HIPK2: variants seen among roughly 807,000 people sequenced by gnomAD.
The protein encoded by HIPK2 is homeodomain-interacting protein kinase 2.
In HIPK2, 27 loss-of-function variants were observed where a neutral mutation model predicts 113.7. The observed-to-expected ratio is 0.24, with a 90% CI of 0.17 to 0.33. The LOEUF (loss-of-function observed/expected upper bound fraction) is 0.33, where lower values mean the gene tolerates loss of function less well. HIPK2 is among the 10% of genes least tolerant of loss of function. The pLI is 1.00. For missense variants in HIPK2, 1,257 were observed against 1,588.0 expected, an observed-to-expected ratio of 0.79 and a Z score of 3.54; for synonymous variants, 631 against 642.2, an observed-to-expected ratio of 0.98 and a Z score of 0.26.
chr7:139,621,219 A>C (rs149081884), intron 6 of HIPK2, among the ~76,000 whole-genome samples: 126 of 152,344 alleles, frequency 8.3e-4, no homozygotes, highest in South Asian at 6.0e-3. Flanking sequence ...CAACATCCAT[A>C]AGACGGAGAC....
chr7:139,624,338 C>G lies in HIPK2; in HGVS notation c.1619+2263G>C, dbSNP rs189711257. On this transcript the variant is annotated intron_variant, in intron 6 of 14. Coordinates refer to ENST00000406875, the MANE Select transcript of HIPK2 (RefSeq NM_022740.5). ...GCAACCGGCCATGACTTCGTTTCCT[C>G]TCCCCTTCGTTCACTGAGGCCTTTG... is the stretch of plus-strand genomic sequence containing the variant. Among the ~76,000 whole-genome samples, 124 of 152,188 alleles carry G rather than the reference C, an allele frequency of 8.1e-4. No homozygotes were observed. The South Asian group carries it at 0.01, about 12-fold the overall frequency.
At chr7:139,621,945 T>A (rs1323388921) in intron 6 of HIPK2, among the ~76,000 whole-genome samples, 118 of 137,014 alleles carry the variant, frequency 8.6e-4, no homozygotes, top group African/African-American at 2.9e-3. Context: ...AAAAAAAAAA[T>A]TAAAAGAAAA....
intron 10 of HIPK2, among the ~76,000 whole-genome samples, chr7:139,603,751 T>C (rs1392559032): frequency 6.6e-6 from 1 of 152,200 alleles, no homozygotes; most frequent in Non-Finnish European, 1.5e-5. Flanking sequence ...TTTCTGAACG[T>C]AGAATTTAAT....
intron 1 of HIPK2, among the ~76,000 whole-genome samples, chr7:139,745,063 A>T (rs971441164): frequency 6.6e-6 from 1 of 152,222 alleles, no homozygotes; most frequent in African/African-American, 2.4e-5. Context: ...TACAGAAGAC[A>T]AGCTGGCGTA....
chr7:139,680,901 G>A (rs1255082894), intron 2 of HIPK2, among the ~76,000 whole-genome samples: 1 of 152,238 alleles, frequency 6.6e-6, no homozygotes, highest in Non-Finnish European at 1.5e-5. Context: ...GGCCCAGTGA[G>A]GCAGCCACAG....
At chr7:139,744,680 G>T (rs1211631621) in intron 1 of HIPK2, among the ~76,000 whole-genome samples, 1 of 152,186 alleles carries the variant, frequency 6.6e-6, no homozygotes, top group Non-Finnish European at 1.5e-5. Flanking sequence ...TTTTACAGAT[G>T]AGGAAACTTG....
chr7:139,653,108 C>T (rs1177896965), intron 2 of HIPK2, among the ~76,000 whole-genome samples: 2 of 146,578 alleles, frequency 1.4e-5, no homozygotes, highest in African/African-American at 5.1e-5. Flanking sequence ...CACTGCTACT[C>T]CAGCCTGGGT....
In HIPK2 at chr7:139,605,235, GGTGTGT is replaced by G. The variant is rs34675356; in HGVS notation, c.2113-1018_2113-1013del. 3.8e-3 allele frequency among the ~76,000 whole-genome samples: 564 copies of G among 147,658 alleles called. 4 individuals carry two copies. Among genetic ancestry groups the G allele is most frequent in the African/African-American group, 0.013 (535 of 40,276 alleles). On this transcript the variant is annotated intron_variant, in intron 9 of 14. Transcript: ENST00000406875. ...GTGATTCTTCCTTGATAGATTCACTGGTGTGTGTGTGTGTGTGTGTGTGTGTGTATG... is the reference window on the plus strand; with the variant it reads ...GTGATTCTTCCTTGATAGATTCACTGGTGTGTGTGTGTGTGTGTGTGTATG...
At chr7:139,609,046 C>T (rs150626273) in intron 9 of HIPK2, among the ~76,000 whole-genome samples, 2 of 152,194 alleles carry the variant, frequency 1.3e-5, no homozygotes, top group African/African-American at 2.4e-5. Flanking sequence ...ATTTCTCTAA[C>T]CCTGCTAGTC....
At chr7:139,603,740 T>C (rs1318731976) in intron 10 of HIPK2, among the ~76,000 whole-genome samples, 1 of 152,180 alleles carries the variant, frequency 6.6e-6, no homozygotes, top group Non-Finnish European at 1.5e-5. Context: ...CAGACCTTTG[T>C]TTTCTGAACG....
At chr7:139,705,428 G>GT (rs1270899494) in intron 2 of HIPK2, among the ~76,000 whole-genome samples, 1 of 151,908 alleles carries the variant, frequency 6.6e-6, no homozygotes, top group Admixed American at 6.6e-5. Flanking sequence ...CCAGGCTGGA[G>GT]TGCAGTGGCG....
chr7:139,615,679 C>G (rs1800014350), intron 7 of HIPK2, among the ~76,000 whole-genome samples: 1 of 152,140 alleles, frequency 6.6e-6, no homozygotes. Flanking sequence ...GAAGAAACCA[C>G]GAAGATATCT....
At chr7:139,643,391 C>T (rs1224957166) in intron 2 of HIPK2, among the ~76,000 whole-genome samples, 4 of 151,766 alleles carry the variant, frequency 2.6e-5, no homozygotes, top group Non-Finnish European at 5.9e-5. Flanking sequence ...TACACACACA[C>T]ACACACACAC....
At chr7:139,741,236 G>A (rs1264044607) in intron 1 of HIPK2, among the ~76,000 whole-genome samples, 1 of 152,186 alleles carries the variant, frequency 6.6e-6, no homozygotes, top group East Asian at 1.9e-4. Flanking sequence ...AAGAGCAGAA[G>A]TCCTGGAATG....
chr7:139,777,630 CG>C lies in HIPK2; in HGVS notation c.-8del. ...CTTCGTACACGGGGGCCATCGGGGCCGGGGTGTCCGCGGTTCATGGCAACGG... is the reference window on the plus strand; with the variant it reads ...CTTCGTACACGGGGGCCATCGGGGCCGGGTGTCCGCGGTTCATGGCAACGG... On this transcript the variant is annotated 5_prime_UTR_variant, in exon 1 of 15. Transcript: ENST00000406875. 1.9e-6 allele frequency: 2 copies of C among 1,073,420 alleles called. No homozygotes were observed. The allele number at this position is 1,073,420 out of a possible 1,614,324, so 66.5% of individuals were successfully genotyped here.
intron 2 of HIPK2, among the ~76,000 whole-genome samples, chr7:139,654,544 C>A (rs1236135403): frequency 2.0e-5 from 3 of 152,118 alleles, no homozygotes; most frequent in Non-Finnish European, 4.4e-5. Context: ...CCCCAAAAAA[C>A]CCCAAAGCAA....
intron 10 of HIPK2, among the ~76,000 whole-genome samples, chr7:139,602,744 G>C (rs1367995234): frequency 6.6e-6 from 1 of 152,098 alleles, no homozygotes; most frequent in African/African-American, 2.4e-5. Flanking sequence ...GAAGATGACA[G>C]GTTTATTTAA....
At chr7:139,708,382 T>G (rs1325257268) in intron 2 of HIPK2, among the ~76,000 whole-genome samples, 1 of 151,950 alleles carries the variant, frequency 6.6e-6, no homozygotes, top group Admixed American at 6.5e-5. Context: ...GTGTGTGTGT[T>G]TTTAAGAATT....
At position 139,700,227 on chromosome 7, in the gene HIPK2, C is replaced by T. The variant is rs1794669724; in HGVS notation, c.1103+15705G>A. ...GAGGAGCTGGGGGTTTCCTGCTGTG[C>T]ACACCACAGCCTGGGGACCCTCAAC... On this transcript the variant is annotated intron_variant, in intron 2 of 14. Coordinates refer to ENST00000406875, the MANE Select transcript of HIPK2 (RefSeq NM_022740.5). 2.0e-5 allele frequency among the ~76,000 whole-genome samples: 3 copies of T among 152,222 alleles called. No homozygotes were observed. In the South Asian group the frequency reaches 6.2e-4, roughly 32 times the overall value.
Sources: gnomAD v4.1 joint callset for allele counts (sites outside exome capture counted in the v4.1 genomes callset) on GRCh38, gnomAD v4.1.1 for gene constraint, MANE v1.5 for transcripts, NCBI Gene and HGNC (gene_info 2026-07-23, HGNC 2026-07-21) for gene names.